The following DPYSL2 variants were observed in gnomAD, a reference collection of about 807,000 sequenced individuals.
The protein encoded by DPYSL2 is dihydropyrimidinase like 2.
DPYSL2 carries 13 observed loss-of-function variants against 69.9 expected under a neutral mutation model. The observed-to-expected ratio is 0.19, with a 90% CI of 0.12 to 0.30. The LOEUF (loss-of-function observed/expected upper bound fraction) is 0.30. Among genes scored for constraint, DPYSL2 ranks in the 10% least tolerant of loss-of-function variants. The pLI is 1.00. For missense variants in DPYSL2, 587 were observed against 918.9 expected (o/e 0.64, Z 4.67); for synonymous variants, 326 against 359.1 (o/e 0.91, Z 1.04).
At chr8:26,566,850 G>A (rs993504995) in intron 1 of DPYSL2, among the ~76,000 whole-genome samples, 22 of 152,054 alleles carry the variant, frequency 1.4e-4, no homozygotes, top group African/African-American at 2.9e-4. Flanking sequence ...TTGTGCACCC[G>A]CCTACCCACC....
chr8:26,522,354 T>A (rs1186655851), intron 1 of DPYSL2, among the ~76,000 whole-genome samples: 1 of 152,168 alleles, frequency 6.6e-6, no homozygotes, highest in Non-Finnish European at 1.5e-5. Context: ...TTCAGTTTTC[T>A]TGTGTTCTGC....
At position 26,562,999 on chromosome 8, in the gene DPYSL2, G is replaced by C. The variant is rs1008070665; in HGVS notation, c.355-18970G>C. On this transcript the variant is annotated intron_variant, in intron 1 of 13. Transcript: ENST00000521913. The surrounding 1 kb of genome is among the most constrained non-coding windows in gnomAD (Gnocchi z 4.9). ...TTTACAGCATGGTGGCGTTAGGGTA[G>C]CTGGATTTCCCACACCTGTGTCTGA... Among the ~76,000 whole-genome samples the C allele has an allele frequency of 6.6e-6, 1 of 152,162 alleles. No individual in the cohort carries two copies. Among genetic ancestry groups the C allele is most frequent in the African/African-American group, 2.4e-5 (1 of 41,424 alleles).
In DPYSL2 at chr8:26,582,752, T is replaced by C. The variant is rs1247921551; in HGVS notation, c.443+695T>C. On this transcript the variant is annotated intron_variant, in intron 2 of 13. Coordinates refer to ENST00000521913, the MANE Select transcript of DPYSL2 (RefSeq NM_001197293.3). The surrounding 1 kb of genome is among the most constrained non-coding windows in gnomAD (Gnocchi z 4.1). ...GGTAGCTCCCGGGGCTCTGGAGAAATAGCACATCTGTTTGAAGACAAACAC... is the reference window on the plus strand; with the variant it reads ...GGTAGCTCCCGGGGCTCTGGAGAAACAGCACATCTGTTTGAAGACAAACAC... 2.0e-5 allele frequency among the ~76,000 whole-genome samples: 3 copies of C among 152,134 alleles called. No individual in the cohort carries two copies. The highest frequency in any genetic ancestry group is 6.5e-5 in the Admixed American group (1 of 15,268).
intron 1 of DPYSL2, among the ~76,000 whole-genome samples, chr8:26,568,299 T>C (rs1038677760): frequency 7.9e-5 from 12 of 152,082 alleles, no homozygotes; most frequent in African/African-American, 2.9e-4. Context: ...TGGTAAAGCA[T>C]TGGTAAAGCA....
At chr8:26,563,499 G>A (rs1364317194) in intron 1 of DPYSL2, among the ~76,000 whole-genome samples, 3 of 152,280 alleles carry the variant, frequency 2.0e-5, no homozygotes, top group South Asian at 2.1e-4. Context: ...TCCTCCAGAG[G>A]CTAAGTCTAG....
At chr8:26,629,749 A>G (rs146060825) in intron 7 of DPYSL2, among the ~76,000 whole-genome samples, 18 of 151,868 alleles carry the variant, frequency 1.2e-4, no homozygotes, top group African/African-American at 4.4e-4. Flanking sequence ...ATTTTATTTT[A>G]TTTTATTTTA....
chr8:26,576,591 A>G (rs934260004), intron 1 of DPYSL2, among the ~76,000 whole-genome samples: 2 of 152,196 alleles, frequency 1.3e-5, no homozygotes, highest in African/African-American at 4.8e-5. Flanking sequence ...TGGCTTGGAC[A>G]GGCAAAGCTA....
intron 1 of DPYSL2, among the ~76,000 whole-genome samples, chr8:26,539,463 T>C (rs12678399): frequency 0.35 from 53,314 of 152,208 alleles, 11,547 homozygotes; most frequent in East Asian, 0.67. Flanking sequence ...ATTTTTCAAA[T>C]AGTGCCTAAG....
intron 1 of DPYSL2, among the ~76,000 whole-genome samples, chr8:26,547,230 G>A (rs911728397): frequency 6.6e-6 from 1 of 152,004 alleles, no homozygotes; most frequent in African/African-American, 2.4e-5. Context: ...GGGTGTGGTG[G>A]CACACACCTG....
intron 1 of DPYSL2, among the ~76,000 whole-genome samples, chr8:26,552,828 A>G (rs1431910064): frequency 2.0e-5 from 3 of 152,178 alleles, no homozygotes; most frequent in African/African-American, 4.8e-5. Context: ...CAAAGATTCT[A>G]CCTCTCAACA....
intron 7 of DPYSL2, among the ~76,000 whole-genome samples, chr8:26,630,817 C>T (rs1802755069): frequency 6.6e-6 from 1 of 152,152 alleles, no homozygotes; most frequent in African/African-American, 2.4e-5. Flanking sequence ...GCCTGCTACC[C>T]CAACCCCTCC....
At position 26,642,539 on chromosome 8, in the gene DPYSL2, G is replaced by T. The variant is rs116614969; in HGVS notation, c.1127-900G>T. Reference sequence around the variant, plus strand: ...AGGAAGCGGGGTTGGGAGAGCAAACGTAAATCTAAGGTCCAATTGGGAGGC... The same window carrying T: ...AGGAAGCGGGGTTGGGAGAGCAAACTTAAATCTAAGGTCCAATTGGGAGGC... On this transcript the variant is annotated intron_variant, in intron 8 of 13. Coordinates refer to ENST00000521913, the MANE Select transcript of DPYSL2 (RefSeq NM_001197293.3). This position sits in a 1 kb window ranked among gnomAD's most constrained non-coding sequence, Gnocchi z 5.3. Among the ~76,000 whole-genome samples the T allele has an allele frequency of 5.0e-3, 756 of 152,272 alleles. 5 individuals carry two copies. Among genetic ancestry groups the T allele is most frequent in the African/African-American group, 0.018 (728 of 41,568 alleles).
intron 11 of DPYSL2, among the ~76,000 whole-genome samples, chr8:26,651,006 C>T (rs902594669): frequency 2.6e-5 from 4 of 152,214 alleles, no homozygotes; most frequent in African/African-American, 7.2e-5. Flanking sequence ...CCGCGTGGCT[C>T]CGGCTGCTAT....
rs1487444884 is a variant in DPYSL2, at chr8:26,586,450, C to T, written c.628+2467C>T. Among the ~76,000 whole-genome samples, 1 of 152,192 alleles carries T rather than the reference C, an allele frequency of 6.6e-6. No individual in the cohort carries two copies. Among genetic ancestry groups the T allele is most frequent in the African/African-American group, 2.4e-5 (1 of 41,440 alleles). On this transcript the variant is annotated intron_variant, in intron 3 of 13. Transcript: ENST00000521913. The surrounding 1 kb of genome is among the most constrained non-coding windows in gnomAD (Gnocchi z 4.7). The stretch of plus-strand genomic sequence containing the variant: ...CTCACACTTGCTGGAAAGAATCCCT[C>T]AGCCCACCATCTCCTGTCCTGCATT...
chr8:26,601,164 G>C (rs1245962891), intron 3 of DPYSL2, among the ~76,000 whole-genome samples: 6 of 152,196 alleles, frequency 3.9e-5, no homozygotes, highest in African/African-American at 7.2e-5. Context: ...GCTCACAGCT[G>C]CTCCCTCCTT....
At chr8:26,531,331 G>T (rs1025573840) in intron 1 of DPYSL2, among the ~76,000 whole-genome samples, 1 of 152,040 alleles carries the variant, frequency 6.6e-6, no homozygotes, top group Admixed American at 6.6e-5. Flanking sequence ...GTTCCCACAG[G>T]CCCAGCAGTA....
chr8:26,616,571 G>T (rs1802352774), intron 3 of DPYSL2, among the ~76,000 whole-genome samples: 1 of 152,244 alleles, frequency 6.6e-6, no homozygotes, highest in Non-Finnish European at 1.5e-5. Flanking sequence ...TGACTATTTG[G>T]AATAAGATCC....
chr8:26,595,598 C>T (rs936250500), intron 3 of DPYSL2, among the ~76,000 whole-genome samples: 2 of 152,222 alleles, frequency 1.3e-5, no homozygotes, highest in African/African-American at 4.8e-5. Context: ...CTGCCCTCTT[C>T]CCCGCTGCCT....
At chr8:26,535,697 A>C (rs1800580265) in intron 1 of DPYSL2, among the ~76,000 whole-genome samples, 1 of 151,562 alleles carries the variant, frequency 6.6e-6, no homozygotes, top group Non-Finnish European at 1.5e-5. Flanking sequence ...CAAACTAATT[A>C]TTATCTACTT....
Sources: allele counts gnomAD v4.1 joint callset (sites outside exome capture counted in the v4.1 genomes callset), GRCh38; gene constraint gnomAD v4.1.1; non-coding constraint Gnocchi (gnomAD v3.1); transcripts MANE v1.5; gene names NCBI Gene and HGNC (gene_info 2026-07-23, HGNC 2026-07-21).